The following FMN2 variants were observed in gnomAD, a reference collection of about 807,000 sequenced individuals.
FMN2 encodes the protein formin 2.
In FMN2, 51 loss-of-function variants were observed where a neutral mutation model predicts 142.3. The ratio of observed to expected loss-of-function variants is 0.36; its 90% confidence interval spans 0.29 to 0.45. FMN2 has a LOEUF of 0.45. FMN2 is among the 20% of genes least tolerant of loss of function. The pLI, the probability that FMN2 is intolerant of heterozygous loss-of-function variation, is 1.00. For synonymous variants in FMN2, 882 were observed against 869.8 expected, an observed-to-expected ratio of 1.01 and a Z score of -0.25; for missense variants, 1,936 against 2,122.8, an observed-to-expected ratio of 0.91 and a Z score of 1.73.
At chr1:240,318,719 G>T (rs1176635666) in intron 8 of FMN2, among the ~76,000 whole-genome samples, 6 of 152,220 alleles carry the variant, frequency 3.9e-5, no homozygotes, top group Non-Finnish European at 2.9e-5. Flanking sequence ...CATAGAACAT[G>T]TGTTAGAGAG....
intron 15 of FMN2, among the ~76,000 whole-genome samples, chr1:240,430,993 A>AC (rs1288014274): frequency 6.6e-6 from 1 of 151,864 alleles, no homozygotes; most frequent in African/African-American, 2.4e-5. Flanking sequence ...AAAAAAAAAA[A>AC]AAACTCTTGA....
At chr1:240,360,903 T>C (rs1672440690) in intron 14 of FMN2, among the ~76,000 whole-genome samples, 1 of 150,706 alleles carries the variant, frequency 6.6e-6, no homozygotes, top group Admixed American at 6.6e-5. Context: ...TTCTCACTCA[T>C]AGGTGGAAAT....
At chr1:240,144,107 A>T in intron 2 of FMN2, 1 of 1,141,692 alleles carries the variant, frequency 8.8e-7, no homozygotes, top group Non-Finnish European at 1.3e-6. Context: ...GAATGAGGCC[A>T]CCATCCACAT....
intron 15 of FMN2, among the ~76,000 whole-genome samples, chr1:240,395,071 G>A (rs1023944443): frequency 1.3e-5 from 2 of 152,194 alleles, no homozygotes; most frequent in African/African-American, 2.4e-5. Flanking sequence ...GTTGAAGCCA[G>A]TGCACATTCA....
intron 1 of FMN2, among the ~76,000 whole-genome samples, chr1:240,099,245 A>G (rs938081483): frequency 1.3e-5 from 2 of 152,162 alleles, no homozygotes; most frequent in African/African-American, 4.8e-5. Flanking sequence ...ACAACCCTGA[A>G]ATTGTATACA....
intron 6 of FMN2, among the ~76,000 whole-genome samples, chr1:240,225,945 T>C (rs922696253): frequency 2.6e-5 from 4 of 151,764 alleles, no homozygotes; most frequent in Non-Finnish European, 5.9e-5. Context: ...CGATTAGTGG[T>C]GACAGAAGAA....
chr1:240,447,684 C>G (rs1202174774), intron 16 of FMN2, among the ~76,000 whole-genome samples: 1 of 152,164 alleles, frequency 6.6e-6, no homozygotes, highest in African/African-American at 2.4e-5. Flanking sequence ...GTAGATTCGT[C>G]TTTGTGAGGA....
intron 6 of FMN2, among the ~76,000 whole-genome samples, chr1:240,256,163 A>T (rs1668443864): frequency 6.6e-6 from 1 of 152,154 alleles, no homozygotes; most frequent in South Asian, 2.1e-4. Flanking sequence ...CCCGGATTGC[A>T]CTGACTTGTG....
At chr1:240,363,027 C>G (rs543409085) in intron 14 of FMN2, among the ~76,000 whole-genome samples, 1 of 152,144 alleles carries the variant, frequency 6.6e-6, no homozygotes, top group Non-Finnish European at 1.5e-5. Flanking sequence ...AATGATGAAA[C>G]CTCAGCTCTT....
At chr1:240,376,468 G>C (rs1194884470) in intron 14 of FMN2, among the ~76,000 whole-genome samples, 3 of 151,470 alleles carry the variant, frequency 2.0e-5, no homozygotes, top group African/African-American at 7.3e-5. Flanking sequence ...ATATCTGTGG[G>C]TTCTGCATGT....
At chr1:240,161,013 A>C (rs2103292218) in intron 2 of FMN2, among the ~76,000 whole-genome samples, 1 of 152,340 alleles carries the variant, frequency 6.6e-6, no homozygotes. Context: ...GAAGACACTG[A>C]ACAGACATGT....
intron 8 of FMN2, among the ~76,000 whole-genome samples, chr1:240,321,771 A>C (rs759972025): frequency 6.6e-6 from 1 of 152,234 alleles, no homozygotes; most frequent in Non-Finnish European, 1.5e-5. Flanking sequence ...CCAGACAATA[A>C]ACAGAACTTC....
chr1:240,280,985 G>C (rs1298208951), intron 7 of FMN2, among the ~76,000 whole-genome samples: 3 of 152,130 alleles, frequency 2.0e-5, no homozygotes, highest in African/African-American at 7.2e-5. Flanking sequence ...AAGGATCACA[G>C]TCTTGGTATC....
At chr1:240,122,154 C>T (rs570620771) in intron 1 of FMN2, among the ~76,000 whole-genome samples, 2 of 152,024 alleles carry the variant, frequency 1.3e-5, no homozygotes, top group Admixed American at 1.3e-4. Flanking sequence ...ATGGCGTGAT[C>T]GCGGCTCACT....
intron 4 of FMN2, among the ~76,000 whole-genome samples, chr1:240,191,155 T>C (rs532167634): frequency 1.3e-5 from 2 of 152,356 alleles, no homozygotes; most frequent in South Asian, 4.1e-4. Context: ...GAAAGCATCC[T>C]CTCTAAGTTA....
intron 6 of FMN2, among the ~76,000 whole-genome samples, chr1:240,228,327 A>AG (rs1390414298): frequency 2.6e-5 from 2 of 78,374 alleles, no homozygotes; most frequent in Admixed American, 2.6e-4. Flanking sequence ...AAAAAAAAAA[A>AG]AAAAAGAAAA....
intron 16 of FMN2, among the ~76,000 whole-genome samples, chr1:240,468,483 C>A (rs1053511380): frequency 3.5e-4 from 53 of 152,186 alleles, no homozygotes; most frequent in African/African-American, 1.2e-3. Flanking sequence ...CTGGTTTCCT[C>A]TCTCAGGACA....
At chr1:240,136,140 C>T (rs1395533770) in intron 2 of FMN2, among the ~76,000 whole-genome samples, 1 of 151,858 alleles carries the variant, frequency 6.6e-6, no homozygotes, top group Non-Finnish European at 1.5e-5. Context: ...TATGTTTAAG[C>T]CTATTTTGAG....
intron 8 of FMN2, among the ~76,000 whole-genome samples, chr1:240,308,524 G>A (rs1196521958): frequency 1.3e-5 from 2 of 152,116 alleles, no homozygotes; most frequent in Admixed American, 6.5e-5. Context: ...AAAGAGGGAC[G>A]AGGACGGGGC....
Sources: allele counts gnomAD v4.1 joint callset (sites outside exome capture counted in the v4.1 genomes callset), GRCh38; gene constraint gnomAD v4.1.1; transcripts MANE v1.5; gene names NCBI Gene and HGNC (gene_info 2026-07-23, HGNC 2026-07-21).